Variants in RPRD1A observed in about 807,000 individuals in gnomAD.
RPRD1A encodes regulation of nuclear pre-mRNA domain-containing protein 1A.
A neutral mutation model predicts 37.8 loss-of-function variants in RPRD1A; 9 were observed. The observed-to-expected ratio is 0.24, with a 90% CI of 0.14 to 0.42. The LOEUF (loss-of-function observed/expected upper bound fraction) is 0.42. RPRD1A is among the 10% of genes least tolerant of loss of function. RPRD1A has a pLI of 1.00. For missense variants in RPRD1A, 255 were observed against 371.0 expected, an observed-to-expected ratio of 0.69 and a Z score of 2.57; for synonymous variants, 138 against 139.7, an observed-to-expected ratio of 0.99 and a Z score of 0.08.
At chr18:36,043,470 C>T (rs1289502930) in intron 1 of RPRD1A, among the ~76,000 whole-genome samples, 1 of 152,018 alleles carries the variant, frequency 6.6e-6, no homozygotes. Context: ...AATGCAAATT[C>T]CTGAGAAATT....
At position 36,003,284 on chromosome 18, in the gene RPRD1A, G is replaced by C. The variant is rs190750480; in HGVS notation, c.790-9984C>G. On this transcript the variant is annotated intron_variant, in intron 6 of 6. Transcript: ENST00000399022. ...CTTATCTTCCACATTCTGATCACTTGGTTTATTAGTGTAGTTTAACACTAA... is the reference window on the plus strand; with the variant it reads ...CTTATCTTCCACATTCTGATCACTTCGTTTATTAGTGTAGTTTAACACTAA... Among the ~76,000 whole-genome samples, 813 of 152,224 alleles carry C rather than the reference G, an allele frequency of 5.3e-3. 4 individuals carry two copies. The highest frequency in any genetic ancestry group is 9.5e-3 in the Non-Finnish European group (649 of 68,016).
chr18:36,037,197 C>T (rs2144319904), intron 1 of RPRD1A, among the ~76,000 whole-genome samples: 1 of 152,208 alleles, frequency 6.6e-6, no homozygotes, highest in East Asian at 1.9e-4. Context: ...ACTTGTGATA[C>T]AGTTTGGCTG....
intron 6 of RPRD1A, among the ~76,000 whole-genome samples, chr18:36,007,934 T>C (rs1909853166): frequency 6.6e-6 from 1 of 151,636 alleles, no homozygotes; most frequent in Admixed American, 6.6e-5. Flanking sequence ...TGAGACTCCA[T>C]CTCAAAATAA....
chr18:36,052,965 AG>A (rs1355215747), intron 1 of RPRD1A: 2 of 152,152 alleles, frequency 1.3e-5, no homozygotes, highest in African/African-American at 4.8e-5. Context: ...TTAAAAAAAA[AG>A]TTTTAAAGAA....
At chr18:36,009,702 A>C (rs1041975476) in intron 6 of RPRD1A, among the ~76,000 whole-genome samples, 2 of 152,240 alleles carry the variant, frequency 1.3e-5, no homozygotes, top group Admixed American at 6.5e-5. Flanking sequence ...AATAGAACTT[A>C]CTGTGACAAT....
chr18:36,051,510 A>C (rs1011968790), intron 1 of RPRD1A, among the ~76,000 whole-genome samples: 1 of 152,186 alleles, frequency 6.6e-6, no homozygotes, highest in Admixed American at 6.5e-5. Context: ...TAGTTCTAAA[A>C]GAAAAAAACA....
chr18:36,033,636 AG>A lies in RPRD1A; in HGVS notation c.281+71del. 6.0e-6 allele frequency: 8 copies of A among 1,343,290 alleles called. 1 individual carries two copies. The South Asian group carries it at 1.1e-4, about 18-fold the overall frequency. 83.2% of individuals were successfully genotyped at this position (1,343,290 alleles called of 1,614,324 possible). On this transcript the variant is annotated intron_variant, in intron 2 of 6. Transcript: ENST00000399022. ...CCCTACTTTTTATTTTAATAGTTTA[AG>A]GCAAATTTTAGCAAAAGGACATATG...
In RPRD1A at chr18:36,008,575, G is replaced by GTATATATATATATATATATATA. The variant is rs201194752; in HGVS notation, c.790-15276_790-15275insTATATATATATATATATATATA. 8.1e-3 allele frequency among the ~76,000 whole-genome samples: 342 copies of GTATATATATATATATATATATA among 42,328 alleles called. 21 individuals carry two copies. The highest frequency in any genetic ancestry group is 0.018 in the African/African-American group (206 of 11,570). The allele number at this position is 42,328 out of a possible 152,430, so 27.8% of individuals were successfully genotyped here. ...TGGGCGACACAGCAAGACCTTGTGT[G>GTATATATATATATATATATATA]TGTATATATATATATCTTTAAAAAT... On this transcript the variant is annotated intron_variant, in intron 6 of 6. Transcript: ENST00000399022.
chr18:36,022,009 G>A (rs185846348), intron 6 of RPRD1A, among the ~76,000 whole-genome samples: 4 of 152,084 alleles, frequency 2.6e-5, no homozygotes, highest in Non-Finnish European at 5.9e-5. Context: ...AAAAAAAGGT[G>A]GGGGGCTACT....
At chr18:36,055,365 T>A (rs564054495) in intron 1 of RPRD1A, among the ~76,000 whole-genome samples, 5 of 152,382 alleles carry the variant, frequency 3.3e-5, no homozygotes, top group African/African-American at 1.2e-4. Flanking sequence ...TTTTCAGTTT[T>A]AAGTCTTTTT....
At position 36,033,803 on chromosome 18, in the gene RPRD1A, T is replaced by A; in HGVS notation, c.186A>T (p.Leu62=). ...KPNRKLTFLY[L]ANDVIQNSKR... Reference sequence around the variant, plus strand: ...TGCTGTTCTGTATGACATCATTGGCTAGGTAGAGAAAAGTAAGCTTCCTGT... The same window carrying A: ...TGCTGTTCTGTATGACATCATTGGCAAGGTAGAGAAAAGTAAGCTTCCTGT... Residue 62 remains leucine, a synonymous_variant, in exon 2 of 7, where the codon CTA becomes CTT. Coordinates refer to ENST00000399022, the MANE Select transcript of RPRD1A (RefSeq NM_018170.5). 6.2e-7 allele frequency: 1 copy of A among 1,612,376 alleles called. No individual in the cohort carries two copies. Among genetic ancestry groups the A allele is most frequent in the East Asian group, 2.2e-5 (1 of 44,818 alleles).
At chr18:36,049,766 T>C (rs1913238772) in intron 1 of RPRD1A, among the ~76,000 whole-genome samples, 1 of 152,214 alleles carries the variant, frequency 6.6e-6, no homozygotes, top group Admixed American at 6.5e-5. Flanking sequence ...AATGCTGCTG[T>C]GGAACATTGG....
rs1223535568 is a variant in RPRD1A at position 36,018,258 on chromosome 18, C to T, written c.789+8642G>A. Among the ~76,000 whole-genome samples, 8 of 151,212 alleles carry T rather than the reference C, an allele frequency of 5.3e-5. No homozygotes were observed. The East Asian group carries it at 1.4e-3, about 26-fold the overall frequency. On this transcript the variant is annotated intron_variant, in intron 6 of 6. Coordinates refer to ENST00000399022, the MANE Select transcript of RPRD1A (RefSeq NM_018170.5). The stretch of plus-strand genomic sequence containing the variant: ...TAAGTTACCAATTTTAAATATATAC[C>T]TCTTCCAAGTTACACTTTTTTTTTT...
chr18:36,017,530 C>T (rs549425800), intron 6 of RPRD1A, among the ~76,000 whole-genome samples: 2 of 152,342 alleles, frequency 1.3e-5, no homozygotes, highest in African/African-American at 4.8e-5. Context: ...GTGCCCTCCA[C>T]AATGTGGCTC....
intron 1 of RPRD1A, among the ~76,000 whole-genome samples, chr18:36,039,508 G>C (rs566771091): frequency 2.6e-5 from 4 of 152,264 alleles, no homozygotes; most frequent in Admixed American, 2.0e-4. Flanking sequence ...ATATGAAACA[G>C]ACTTACTCAG....
intron 6 of RPRD1A, among the ~76,000 whole-genome samples, chr18:36,023,331 A>G (rs772308465): frequency 1.3e-5 from 2 of 152,214 alleles, no homozygotes; most frequent in Non-Finnish European, 2.9e-5. Context: ...TCAAGACTTC[A>G]GTGGTGAAAA....
At chr18:36,067,135 C>A in intron 1 of RPRD1A, 119 bp downstream of exon 1, 5 of 1,111,676 alleles carry the variant, frequency 4.5e-6, no homozygotes, top group Non-Finnish European at 6.4e-6. Flanking sequence ...AGCCCGCAGA[C>A]CACCGCGCGC....
intron 6 of RPRD1A, among the ~76,000 whole-genome samples, chr18:36,007,885 C>G (rs749182804): frequency 8.5e-4 from 129 of 152,092 alleles, no homozygotes; most frequent in Admixed American, 1.7e-3. Context: ...TTGCAGTGAG[C>G]CGAGATCGCG....
intron 1 of RPRD1A, among the ~76,000 whole-genome samples, chr18:36,067,045 CTTTTT>C (rs1178206368): frequency 1.3e-5 from 2 of 152,200 alleles, no homozygotes; most frequent in African/African-American, 4.8e-5. Context: ...CCGGAGTTTT[CTTTTT>C]TAATTATTCA....
Sources: allele counts gnomAD v4.1 joint callset (sites outside exome capture counted in the v4.1 genomes callset), GRCh38; gene constraint gnomAD v4.1.1; transcripts MANE v1.5; gene names NCBI Gene and HGNC (gene_info 2026-07-23, HGNC 2026-07-21).